The following AHI1 variants were observed in gnomAD, a reference collection of about 807,000 sequenced individuals.
AHI1 encodes the protein jouberin.
AHI1 carries 123 observed loss-of-function variants against 149.3 expected under a neutral mutation model. That is an observed-to-expected ratio of 0.82 (90% CI 0.71 to 0.96). The LOEUF (loss-of-function observed/expected upper bound fraction) is 0.96. Ranked by LOEUF, AHI1 falls within the 40% of genes least tolerant of loss-of-function variation. The probability of loss-of-function intolerance (pLI) is 0.00; values close to 1 mark genes in which losing one functional copy is unlikely to be tolerated. For missense variants in AHI1, 1,439 were observed against 1,422.7 expected (o/e 1.01, Z -0.18); for synonymous variants, 475 against 459.8 (o/e 1.03, Z -0.42).
chr6:135,457,652 G>A lies in AHI1; in HGVS notation c.993C>T (p.Ser331=), dbSNP rs992225953. 3.1e-6 allele frequency: 5 copies of A among 1,613,816 alleles called. No homozygotes were observed. The Admixed American group carries it at 5.0e-5, about 16-fold the overall frequency. The part of the protein sequence containing the change: ...DGVHEITSRD[S]PVYPKCLLDD... ...CAAGCAAACATTTGGGATAAACCGG[G>A]CTATCTCGGCTTGTTATTTCATGAA... Residue 331 remains serine (S), a synonymous_variant, in exon 9 of 29, where the codon AGC becomes AGT. Transcript: ENST00000265602.
chr6:135,358,252 C>T, intron 23 of AHI1, 65 bp from the exon 24 acceptor site: 1 of 1,377,098 alleles, frequency 7.3e-7, no homozygotes. Context: ...TGAAAATATT[C>T]ATGCCATTTT....
intron 11 of AHI1, among the ~76,000 whole-genome samples, 177 bp from the exon 12 acceptor site, chr6:135,448,652 G>A (rs922894945): frequency 3.3e-5 from 5 of 152,156 alleles, no homozygotes; most frequent in African/African-American, 1.2e-4. Context: ...GATCATTTTT[G>A]ACAAAAGGTA....
chr6:135,393,251 T>C (rs925660795), intron 23 of AHI1, among the ~76,000 whole-genome samples: 10 of 152,042 alleles, frequency 6.6e-5, no homozygotes, highest in African/African-American at 2.2e-4. Context: ...ACCTATTCCC[T>C]CTGCTCTTTC....
intron 14 of AHI1, among the ~76,000 whole-genome samples, chr6:135,439,658 T>C (rs1315612483): frequency 1.3e-5 from 2 of 152,224 alleles, no homozygotes; most frequent in African/African-American, 4.8e-5. Flanking sequence ...AGGTTTGTGC[T>C]AGTTTTGCTG....
chr6:135,325,808 T>C (rs1396753039), intron 24 of AHI1, among the ~76,000 whole-genome samples: 1 of 152,192 alleles, frequency 6.6e-6, no homozygotes, highest in East Asian at 1.9e-4. Flanking sequence ...TAATGTATGC[T>C]TATTTGTCTG....
Position 135,466,292 on chromosome 6 carries a change from T to G in AHI1, c.271A>C (p.Lys91Gln). Residue 91 changes from lysine to glutamine, a missense_variant, in exon 7 of 29, where the codon AAG (lysine) becomes CAG (glutamine). Lys to Gln is a moderately conservative substitution (Grantham distance 53). Coordinates refer to ENST00000265602, the MANE Select transcript of AHI1 (RefSeq NM_001134831.2). ...DVSAANTNNL[K>Q]KSTRVTKNKL... ...TTTTTAGTGACTCTCGTGCTCTTCTTCAGGTTGTTAGTGTTAGCAGCACTT... is the reference window on the plus strand; with the variant it reads ...TTTTTAGTGACTCTCGTGCTCTTCTGCAGGTTGTTAGTGTTAGCAGCACTT... 1 of 1,614,010 alleles carries G rather than the reference T, an allele frequency of 6.2e-7. No homozygotes were observed.
chr6:135,311,494 C>T (rs1029319412), intron 26 of AHI1, among the ~76,000 whole-genome samples: 10 of 151,880 alleles, frequency 6.6e-5, no homozygotes, highest in Admixed American at 3.9e-4. Flanking sequence ...ACTAATTTTT[C>T]GTTTTATACT....
chr6:135,333,886 A>G (rs1788969670), intron 24 of AHI1, among the ~76,000 whole-genome samples: 1 of 152,014 alleles, frequency 6.6e-6, no homozygotes. Flanking sequence ...TCAAAAGAAC[A>G]GCATTCATAG....
At chr6:135,309,110 G>A (rs936225333) in intron 26 of AHI1, among the ~76,000 whole-genome samples, 3 of 152,178 alleles carry the variant, frequency 2.0e-5, no homozygotes, top group Admixed American at 2.0e-4. Flanking sequence ...ACCTTCAAGA[G>A]AATAAAGGCC....
intron 3 of AHI1, among the ~76,000 whole-genome samples, chr6:135,494,394 A>G (rs1215110166): frequency 6.6e-6 from 1 of 152,202 alleles, no homozygotes; most frequent in Non-Finnish European, 1.5e-5. Flanking sequence ...TGGGTATCTG[A>G]AGGGCACTGA....
chr6:135,295,481 A>AC (rs1485676289), intron 27 of AHI1, among the ~76,000 whole-genome samples: 3 of 151,918 alleles, frequency 2.0e-5, no homozygotes, highest in African/African-American at 7.3e-5. Flanking sequence ...AACAAAAAAA[A>AC]CCCCTATGTT....
chr6:135,490,193 T>A (rs767253109), intron 5 of AHI1: 2 of 725,012 alleles, frequency 2.8e-6, no homozygotes, highest in South Asian at 2.9e-5. Context: ...AAAAGGATAA[T>A]TATTACCATA....
intron 5 of AHI1, among the ~76,000 whole-genome samples, chr6:135,482,894 C>CTTTTTTTCTTTTTTTTTTTTTTTTT (rs1793905606): frequency 3.6e-5 from 2 of 55,734 alleles, no homozygotes; most frequent in African/African-American, 1.9e-4. Context: ...CCATTTAAGG[C>CTTTTTTTCTTTTTTTTTTTTTTTTT]TTTTTTTTTT....
chr6:135,482,340 C>T (rs562330205), intron 5 of AHI1, among the ~76,000 whole-genome samples: 94 of 152,282 alleles, frequency 6.2e-4, no homozygotes, highest in Admixed American at 1.3e-3. Context: ...TTACCAACTT[C>T]CATGATGTAA....
At chr6:135,379,872 T>C (rs1776445722) in intron 23 of AHI1, among the ~76,000 whole-genome samples, 1 of 151,874 alleles carries the variant, frequency 6.6e-6, no homozygotes, top group African/African-American at 2.4e-5. Flanking sequence ...GCTTCCTTCC[T>C]TCCTAGCTTC....
intron 27 of AHI1, among the ~76,000 whole-genome samples, chr6:135,296,347 C>A (rs1783091078): frequency 6.6e-6 from 1 of 152,126 alleles, no homozygotes; most frequent in Admixed American, 6.6e-5. Flanking sequence ...AATGTCTATT[C>A]TTATCTTAAA....
intron 7 of AHI1, 58 bp from the exon 8 acceptor site, chr6:135,463,364 T>G: frequency 7.2e-7 from 1 of 1,379,584 alleles, no homozygotes; most frequent in Non-Finnish European, 9.8e-7. Context: ...TAATTATTAT[T>G]CATGATGCAA....
chr6:135,363,374 C>T (rs1189518316), intron 23 of AHI1, among the ~76,000 whole-genome samples: 3 of 152,056 alleles, frequency 2.0e-5, no homozygotes, highest in African/African-American at 7.2e-5. Context: ...GGTAAGGTCA[C>T]CGATCAACAG....
At chr6:135,294,115 A>G (rs1028203405) in intron 27 of AHI1, among the ~76,000 whole-genome samples, 1 of 152,110 alleles carries the variant, frequency 6.6e-6, no homozygotes, top group Admixed American at 6.5e-5. Context: ...ACTTGAGGCC[A>G]GGAGTTTGAG....
Sources: gnomAD v4.1 joint callset for allele counts (sites outside exome capture counted in the v4.1 genomes callset) on GRCh38, gnomAD v4.1.1 for gene constraint, MANE v1.5 for transcripts, NCBI Gene and HGNC (gene_info 2026-07-23, HGNC 2026-07-21) for gene names.